The following SLC44A5 variants were observed in gnomAD, a reference collection of about 807,000 sequenced individuals.
SLC44A5 encodes the protein choline transporter-like protein 5.
In SLC44A5, 57 loss-of-function variants were observed where a neutral mutation model predicts 101.8. The ratio of observed to expected loss-of-function variants is 0.56; its 90% CI spans 0.45 to 0.70. The LOEUF (loss-of-function observed/expected upper bound fraction) is 0.70, where lower values mean the gene tolerates loss of function less well. Ranked by LOEUF, SLC44A5 falls within the 30% of genes least tolerant of loss-of-function variation. SLC44A5 has a pLI of 0.00. For missense variants in SLC44A5, 737 were observed against 853.1 expected (o/e 0.86, Z 1.70); for synonymous variants, 281 against 290.9 (o/e 0.97, Z 0.35).
intron 4 of SLC44A5, among the ~76,000 whole-genome samples, chr1:75,318,605 T>C (rs1655898868): frequency 1.3e-5 from 2 of 152,304 alleles, no homozygotes; most frequent in South Asian, 4.2e-4. Context: ...TGAGGATTCA[T>C]GTCCTTGAAT....
intron 23 of SLC44A5, among the ~76,000 whole-genome samples, chr1:75,206,932 C>T (rs1646759443): frequency 6.6e-6 from 1 of 152,048 alleles, no homozygotes; most frequent in Non-Finnish European, 1.5e-5. Flanking sequence ...TAAATCCCTC[C>T]CACTCCCAGA....
the SLC44A5 span, among the ~76,000 whole-genome samples, chr1:75,686,060 C>T: frequency 2.0e-5 from 3 of 152,062 alleles, no homozygotes; most frequent in Non-Finnish European, 2.9e-5. Flanking sequence ...CATGAAAACC[C>T]ATTCACTATC....
At chr1:75,626,122 C>T in the SLC44A5 span, among the ~76,000 whole-genome samples, 1 of 152,052 alleles carries the variant, frequency 6.6e-6, no homozygotes, top group Non-Finnish European at 1.5e-5. Context: ...CTATTAGGGT[C>T]AAGATGCTGT....
At chr1:75,616,184 C>T in the SLC44A5 span, among the ~76,000 whole-genome samples, 4 of 151,556 alleles carry the variant, frequency 2.6e-5, no homozygotes, top group Admixed American at 2.0e-4. Flanking sequence ...GAGGGGGCAG[C>T]GCTGGGTCCC....
intron 2 of SLC44A5, chr1:75,398,407 C>G: frequency 1.0e-6 from 1 of 985,374 alleles, no homozygotes; most frequent in Non-Finnish European, 1.2e-6. Context: ...GGAAGCATGT[C>G]AGTAATCTCA....
chr1:75,431,370 C>A (rs3845363), intron 2 of SLC44A5, among the ~76,000 whole-genome samples: 34,878 of 151,996 alleles, frequency 0.23, 4,119 homozygotes, highest in African/African-American at 0.25. Context: ...TGTTTCTAAC[C>A]ATTAGAAAAT....
At chr1:75,248,667 G>A (rs551611963) in intron 7 of SLC44A5, among the ~76,000 whole-genome samples, 2 of 152,202 alleles carry the variant, frequency 1.3e-5, no homozygotes, top group South Asian at 4.1e-4. Flanking sequence ...CTATAGAATG[G>A]ACAACGGTCT....
the SLC44A5 span, among the ~76,000 whole-genome samples, chr1:75,696,548 C>G: frequency 6.6e-6 from 1 of 152,066 alleles, no homozygotes; most frequent in Non-Finnish European, 1.5e-5. Flanking sequence ...AAATCAAGTA[C>G]CAACAATACA....
chr1:75,463,223 C>T (rs1359947257), intron 2 of SLC44A5, among the ~76,000 whole-genome samples: 3 of 152,018 alleles, frequency 2.0e-5, no homozygotes, highest in Admixed American at 6.5e-5. Flanking sequence ...AGATCGAGAC[C>T]ATCTTGGCTA....
chr1:75,679,755 C>T, the SLC44A5 span, among the ~76,000 whole-genome samples: 5 of 151,904 alleles, frequency 3.3e-5, no homozygotes, highest in African/African-American at 7.3e-5. Flanking sequence ...CAAATTCACA[C>T]ATAACACTAT....
chr1:75,457,533 G>A (rs1666254936), intron 2 of SLC44A5, among the ~76,000 whole-genome samples: 1 of 152,126 alleles, frequency 6.6e-6, no homozygotes, highest in Non-Finnish European at 1.5e-5. Flanking sequence ...CTCTCTGGAA[G>A]CTAGGTTGTG....
At chr1:75,452,523 A>G (rs1335157741) in intron 2 of SLC44A5, among the ~76,000 whole-genome samples, 1 of 152,178 alleles carries the variant, frequency 6.6e-6, no homozygotes, top group Non-Finnish European at 1.5e-5. Context: ...TAACAACTTC[A>G]TAATAGGATC....
At chr1:75,308,721 T>G (rs1380316995) in intron 4 of SLC44A5, among the ~76,000 whole-genome samples, 1 of 152,190 alleles carries the variant, frequency 6.6e-6, no homozygotes, top group Non-Finnish European at 1.5e-5. Context: ...TCATATCTGT[T>G]TGGAACACTT....
chr1:75,269,607 T>G (rs1651291212), intron 6 of SLC44A5, among the ~76,000 whole-genome samples: 1 of 152,152 alleles, frequency 6.6e-6, no homozygotes, highest in African/African-American at 2.4e-5. Flanking sequence ...CAATTTTATT[T>G]TATTTTTATG....
At chr1:75,219,706 T>A (rs574562021) in intron 15 of SLC44A5, 94 bp downstream of exon 15, 3 of 780,912 alleles carry the variant, frequency 3.8e-6, no homozygotes, top group East Asian at 5.2e-5. Context: ...ACATTCCTCA[T>A]CTTCCCAGGG....
At chr1:75,249,940 T>A (rs1649422735) in intron 7 of SLC44A5, among the ~76,000 whole-genome samples, 1 of 152,176 alleles carries the variant, frequency 6.6e-6, no homozygotes, top group Admixed American at 6.5e-5. Flanking sequence ...AATTCCTTTC[T>A]CCTTGAATCT....
chr1:75,586,832 G>A (rs1406816538), intron 1 of SLC44A5, among the ~76,000 whole-genome samples: 2 of 152,056 alleles, frequency 1.3e-5, no homozygotes, highest in African/African-American at 4.8e-5. Context: ...CCTGCAGACA[G>A]TCAATAAAAT....
chr1:75,663,760 A>G, the SLC44A5 span, among the ~76,000 whole-genome samples: 1 of 152,222 alleles, frequency 6.6e-6, no homozygotes, highest in African/African-American at 2.4e-5. Context: ...TCTTAAAAAT[A>G]GAAACTATTC....
chr1:75,446,649 TACACACACACACAC>T (rs10547175), intron 2 of SLC44A5, among the ~76,000 whole-genome samples: 1 of 149,724 alleles, frequency 6.7e-6, no homozygotes, highest in African/African-American at 2.5e-5. Flanking sequence ...TGCCTGGCTA[TACACACACACACAC>T]ACACACACAC....
Sources: allele counts gnomAD v4.1 joint callset (sites outside exome capture counted in the v4.1 genomes callset), GRCh38; gene constraint gnomAD v4.1.1; transcripts MANE v1.5; gene names NCBI Gene and HGNC (gene_info 2026-07-23, HGNC 2026-07-21).